Variants in PDE10A observed in about 807,000 individuals in gnomAD.
The protein encoded by PDE10A is cAMP and cAMP-inhibited cGMP 3',5'-cyclic phosphodiesterase 10A.
Under a neutral mutation model 97.7 loss-of-function variants are expected in PDE10A, and 39 were observed. That is an observed-to-expected ratio of 0.40 (90% CI 0.31 to 0.52). The LOEUF (loss-of-function observed/expected upper bound fraction) is 0.52, where lower values mean the gene tolerates loss of function less well. PDE10A is among the 20% of genes least tolerant of loss of function. The pLI is 0.56. For missense variants in PDE10A, 731 were observed against 1,047.8 expected (o/e 0.70, Z 4.17); for synonymous variants, 371 against 376.8 (o/e 0.98, Z 0.18).
intron 5 of PDE10A, among the ~76,000 whole-genome samples, chr6:165,439,818 T>C (rs1790300461): frequency 6.6e-6 from 1 of 152,128 alleles, no homozygotes; most frequent in South Asian, 2.1e-4. Context: ...ATAAATAGAT[T>C]TGGTGGAAAA....
chr6:165,742,578 G>A (rs1792753273), intron 1 of PDE10A, among the ~76,000 whole-genome samples: 1 of 152,070 alleles, frequency 6.6e-6, no homozygotes, highest in Non-Finnish European at 1.5e-5. Flanking sequence ...TCGGGTCACT[G>A]ACTATATTTT....
chr6:165,408,650 TATC>T (rs769533330), intron 13 of PDE10A, among the ~76,000 whole-genome samples: 9 of 151,978 alleles, frequency 5.9e-5, no homozygotes, highest in Non-Finnish European at 8.8e-5. Context: ...AGGCAAAAAA[TATC>T]ATTGTAAAGA....
At chr6:165,582,359 A>G (rs1785661858) in intron 1 of PDE10A, among the ~76,000 whole-genome samples, 1 of 152,218 alleles carries the variant, frequency 6.6e-6, no homozygotes, top group Admixed American at 6.5e-5. Context: ...GTACAGTGAG[A>G]GCTTCTTAAG....
intron 18 of PDE10A, among the ~76,000 whole-genome samples, chr6:165,359,240 T>G (rs1783227348): frequency 2.6e-5 from 4 of 152,186 alleles, no homozygotes; most frequent in Admixed American, 2.6e-4. Flanking sequence ...ATCTGGTAAT[T>G]CATCACTCTG....
At chr6:165,707,597 T>C (rs1457877040) in intron 1 of PDE10A, among the ~76,000 whole-genome samples, 1 of 152,146 alleles carries the variant, frequency 6.6e-6, no homozygotes, top group Non-Finnish European at 1.5e-5. Flanking sequence ...TGTGTGAGTG[T>C]GTGACAGTGT....
intron 1 of PDE10A, among the ~76,000 whole-genome samples, chr6:165,765,536 T>C (rs1464883474): frequency 1.3e-5 from 2 of 152,220 alleles, no homozygotes; most frequent in Non-Finnish European, 2.9e-5. Context: ...GGGTGCTAAG[T>C]CCCTCATTGC....
At chr6:165,816,278 C>T (rs1779409589) in intron 1 of PDE10A, among the ~76,000 whole-genome samples, 1 of 152,182 alleles carries the variant, frequency 6.6e-6, no homozygotes, top group Admixed American at 6.5e-5. Context: ...GCTGCCCATT[C>T]CCAGATAATA....
intron 1 of PDE10A, among the ~76,000 whole-genome samples, chr6:165,744,347 A>G (rs1195843522): frequency 2.0e-5 from 3 of 152,196 alleles, no homozygotes; most frequent in Middle Eastern, 3.2e-3. Flanking sequence ...ATATGTGTGC[A>G]TAATTTCCTT....
chr6:165,899,235 C>G (rs190174026), intron 1 of PDE10A, among the ~76,000 whole-genome samples: 3 of 152,300 alleles, frequency 2.0e-5, no homozygotes, highest in Non-Finnish European at 4.4e-5. Context: ...AAAGATACTT[C>G]CGGTATCAAC....
At chr6:165,364,349 T>C (rs1212965817) in intron 18 of PDE10A, among the ~76,000 whole-genome samples, 1 of 152,134 alleles carries the variant, frequency 6.6e-6, no homozygotes, top group Non-Finnish European at 1.5e-5. Context: ...AGCTAGAAGA[T>C]GGCTCTCTAG....
At chr6:165,513,213 C>T (rs906564117) in intron 2 of PDE10A, among the ~76,000 whole-genome samples, 1 of 151,910 alleles carries the variant, frequency 6.6e-6, no homozygotes, top group East Asian at 1.9e-4. Flanking sequence ...ATTAATGTAG[C>T]TTATGATATG....
intron 19 of PDE10A, among the ~76,000 whole-genome samples, chr6:165,341,935 G>T (rs73788354): frequency 7.2e-5 from 11 of 152,086 alleles, no homozygotes; most frequent in Non-Finnish European, 2.9e-5. Context: ...TGTAACACTT[G>T]AGCTCACCGT....
At chr6:165,506,804 C>T (rs1562530133) in intron 2 of PDE10A, among the ~76,000 whole-genome samples, 1 of 152,108 alleles carries the variant, frequency 6.6e-6, no homozygotes, top group South Asian at 2.1e-4. Context: ...ATAAATAACA[C>T]ATTGGTTTCT....
chr6:165,389,366 A>C (rs1024208807), intron 16 of PDE10A, among the ~76,000 whole-genome samples: 1 of 152,182 alleles, frequency 6.6e-6, no homozygotes, highest in Non-Finnish European at 1.5e-5. Context: ...AGAGCTTTAG[A>C]CCAGGATAAT....
chr6:165,446,604 C>A (rs1184128396), intron 5 of PDE10A, among the ~76,000 whole-genome samples: 1 of 152,100 alleles, frequency 6.6e-6, no homozygotes, highest in African/African-American at 2.4e-5. Context: ...GCAAGAAAGC[C>A]AGATAAACAA....
At chr6:165,490,552 C>T (rs894682605) in intron 2 of PDE10A, among the ~76,000 whole-genome samples, 1 of 151,924 alleles carries the variant, frequency 6.6e-6, no homozygotes, top group African/African-American at 2.4e-5. Flanking sequence ...TGAAAAAAAC[C>T]CAAGGTATTA....
At chr6:165,772,794 G>C (rs1778051271) in intron 1 of PDE10A, among the ~76,000 whole-genome samples, 1 of 152,200 alleles carries the variant, frequency 6.6e-6, no homozygotes, top group Non-Finnish European at 1.5e-5. Context: ...AAATCCGAAA[G>C]ACAGAATAGT....
intron 1 of PDE10A, among the ~76,000 whole-genome samples, chr6:165,987,328 C>T (rs1785254054): frequency 6.6e-6 from 1 of 152,128 alleles, no homozygotes; most frequent in Admixed American, 6.5e-5. Context: ...TTCTCGAGTC[C>T]ACTCATCACC....
At chr6:165,862,404 A>G (rs1305183322) in intron 1 of PDE10A, among the ~76,000 whole-genome samples, 1 of 152,202 alleles carries the variant, frequency 6.6e-6, no homozygotes. Flanking sequence ...TGTGAAATGC[A>G]GCACATACTT....
Sources: gnomAD v4.1 joint callset for allele counts (sites outside exome capture counted in the v4.1 genomes callset) on GRCh38, gnomAD v4.1.1 for gene constraint, MANE v1.5 for transcripts, NCBI Gene and HGNC (gene_info 2026-07-23, HGNC 2026-07-21) for gene names.